The following NDST3 variants were observed in gnomAD, a reference collection of about 807,000 sequenced individuals.
NDST3 encodes the protein N-deacetylase and N-sulfotransferase 3.
Under a neutral mutation model 96.1 loss-of-function variants are expected in NDST3, and 58 were observed. That is an observed-to-expected ratio of 0.60 (90% CI 0.49 to 0.75). NDST3 has a LOEUF of 0.75. Among genes scored for constraint, NDST3 ranks in the 30% least tolerant of loss-of-function variants. The pLI, the probability that NDST3 is intolerant of heterozygous loss-of-function variation, is 0.00. For synonymous variants in NDST3, 333 were observed against 359.7 expected (o/e 0.93, Z 0.84); for missense variants, 788 against 1,034.2 (o/e 0.76, Z 3.27).
At chr4:118,143,442 A>G (rs1340153048) in intron 5 of NDST3, 114 bp from the exon 6 acceptor site, 2 of 1,080,388 alleles carry the variant, frequency 1.9e-6, no homozygotes, top group Non-Finnish European at 2.7e-6. Context: ...GGCCCTGGTT[A>G]GACCTGAATA....
At chr4:118,239,627 AG>A (rs1740887959) in intron 10 of NDST3, among the ~76,000 whole-genome samples, 1 of 152,246 alleles carries the variant, frequency 6.6e-6, no homozygotes, top group South Asian at 2.1e-4. Flanking sequence ...TGAAAAATAG[AG>A]AATTTACAGA....
At chr4:118,058,031 T>C (rs1725573482) in intron 2 of NDST3, among the ~76,000 whole-genome samples, 1 of 152,010 alleles carries the variant, frequency 6.6e-6, no homozygotes, top group South Asian at 2.1e-4. Context: ...AATTTTGTGA[T>C]TAAGAGTATA....
chr4:118,195,769 C>T (rs1347690709), intron 6 of NDST3, among the ~76,000 whole-genome samples: 2 of 152,090 alleles, frequency 1.3e-5, no homozygotes, highest in African/African-American at 4.8e-5. Flanking sequence ...TTGGGTTTTC[C>T]CAAATATAAG....
At chr4:118,193,833 G>GGCACAGGCCCTTCAACT in intron 6 of NDST3, 1 of 1,372,992 alleles carries the variant, frequency 7.3e-7, no homozygotes, top group Non-Finnish European at 1.0e-6. Context: ...GCCAGTTGAA[G>GGCACAGGCCCTTCAACT]GGCCTGTGCC....
intron 6 of NDST3, among the ~76,000 whole-genome samples, chr4:118,212,518 T>C (rs1738869061): frequency 6.6e-6 from 1 of 152,152 alleles, no homozygotes; most frequent in African/African-American, 2.4e-5. Flanking sequence ...CCAGCCTGGG[T>C]GGCAAAGCAA....
Position 118,187,484 on chromosome 4 carries a change from T to G in NDST3, c.1540-37007T>G, listed in dbSNP as rs1042231196. Among the ~76,000 whole-genome samples the G allele has an allele frequency of 4.6e-5, 7 of 152,182 alleles. No individual in the cohort carries two copies. The South Asian group carries it at 1.4e-3, about 31-fold the overall frequency. Reference sequence around the variant, plus strand: ...AGAGGAGTGGACCAATGTTCTGTTTTTGATTGACTATGAAGGAACAAGGCT... The same window carrying G: ...AGAGGAGTGGACCAATGTTCTGTTTGTGATTGACTATGAAGGAACAAGGCT... On this transcript the variant is annotated intron_variant, in intron 6 of 13. Coordinates refer to ENST00000296499, the MANE Select transcript of NDST3 (RefSeq NM_004784.3).
At chr4:118,174,075 T>C (rs1282976726) in intron 6 of NDST3, among the ~76,000 whole-genome samples, 2 of 152,002 alleles carry the variant, frequency 1.3e-5, no homozygotes, top group African/African-American at 4.8e-5. Flanking sequence ...GTGGTTTAAA[T>C]TGAATGCTGC....
At chr4:118,097,025 C>T (rs946944843) in intron 2 of NDST3, among the ~76,000 whole-genome samples, 4 of 151,966 alleles carry the variant, frequency 2.6e-5, no homozygotes, top group African/African-American at 9.7e-5. Context: ...CTACTTAAGA[C>T]TTCATGTGAT....
At chr4:118,094,444 T>C (rs1032169867) in intron 2 of NDST3, among the ~76,000 whole-genome samples, 1 of 151,858 alleles carries the variant, frequency 6.6e-6, no homozygotes, top group Non-Finnish European at 1.5e-5. Context: ...TCTGAGCCCT[T>C]CTTTTTCCTC....
chr4:118,209,645 A>G (rs1578817800), intron 6 of NDST3, among the ~76,000 whole-genome samples: 1 of 152,232 alleles, frequency 6.6e-6, no homozygotes, highest in East Asian at 1.9e-4. Context: ...AGAGACATAA[A>G]TGTTATAAAA....
At chr4:118,227,238 T>TC (rs35034865) in intron 8 of NDST3, among the ~76,000 whole-genome samples, 4 of 148,934 alleles carry the variant, frequency 2.7e-5, no homozygotes, top group African/African-American at 9.8e-5. Flanking sequence ...TTTTTTTTTT[T>TC]CCCCCCCAAA....
chr4:118,247,018 A>G (rs1402805363), intron 12 of NDST3, among the ~76,000 whole-genome samples: 1 of 152,194 alleles, frequency 6.6e-6, no homozygotes, highest in Admixed American at 6.5e-5. Flanking sequence ...TTTCTTAAAA[A>G]CTAAACAGAA....
intron 2 of NDST3, among the ~76,000 whole-genome samples, chr4:118,097,785 G>A (rs1222059299): frequency 6.6e-6 from 1 of 151,710 alleles, no homozygotes; most frequent in Non-Finnish European, 1.5e-5. Context: ...TAGTAAATAA[G>A]TGTTCTACAA....
chr4:118,107,823 T>A (rs931835992), intron 3 of NDST3, among the ~76,000 whole-genome samples: 2 of 152,214 alleles, frequency 1.3e-5, no homozygotes, highest in Non-Finnish European at 2.9e-5. Context: ...GGGCTATTAA[T>A]ACAAGTATAG....
chr4:118,080,899 C>T (rs1176808166), intron 2 of NDST3, among the ~76,000 whole-genome samples: 1 of 152,008 alleles, frequency 6.6e-6, no homozygotes, highest in Non-Finnish European at 1.5e-5. Context: ...TGTGGAAAAC[C>T]AAAGATGAAT....
intron 11 of NDST3, among the ~76,000 whole-genome samples, chr4:118,241,729 TTGTC>T (rs1230638330): frequency 6.6e-6 from 1 of 152,222 alleles, no homozygotes; most frequent in African/African-American, 2.4e-5. Context: ...GATCACTGCT[TTGTC>T]TGTTTTGAAA....
At chr4:118,097,813 T>G (rs1056038989) in intron 2 of NDST3, among the ~76,000 whole-genome samples, 1 of 151,896 alleles carries the variant, frequency 6.6e-6, no homozygotes, top group African/African-American at 2.4e-5. Flanking sequence ...TTTCAAATCT[T>G]TATGAGTTTA....
chr4:118,210,713 T>G (rs1448892845), intron 6 of NDST3, among the ~76,000 whole-genome samples: 1 of 149,092 alleles, frequency 6.7e-6, no homozygotes, highest in East Asian at 2.0e-4. Context: ...GAGGCAGAGG[T>G]TGCAGTGAGC....
intron 3 of NDST3, among the ~76,000 whole-genome samples, chr4:118,106,920 C>T (rs1349064276): frequency 1.3e-5 from 2 of 152,096 alleles, no homozygotes; most frequent in Admixed American, 6.5e-5. Context: ...GAAAACCTGT[C>T]TCTACTAAAA....
Sources: allele counts gnomAD v4.1 joint callset (sites outside exome capture counted in the v4.1 genomes callset), GRCh38; gene constraint gnomAD v4.1.1; transcripts MANE v1.5; gene names NCBI Gene and HGNC (gene_info 2026-07-23, HGNC 2026-07-21).